The following ZNF469 variants were observed in gnomAD, a reference collection of about 807,000 sequenced individuals.
ZNF469 encodes zinc finger protein 469.
In ZNF469, 1 loss-of-function variant was observed where a neutral mutation model predicts 1.0. The observed-to-expected ratio is 1.00, with a 90% CI of 0.35 to 4.73. The LOEUF (loss-of-function observed/expected upper bound fraction) is 4.73, where lower values mean the gene tolerates loss of function less well. ZNF469 is among the 30% of genes most tolerant of loss of function. The pLI is 0.16. For synonymous variants in ZNF469, 2,703 were observed against 2,363.4 expected, an observed-to-expected ratio of 1.14 and a Z score of -4.17; for missense variants, 6,100 against 5,356.3, an observed-to-expected ratio of 1.14 and a Z score of -4.33.
At chr16:88,234,442 T>G in the ZNF469 span, among the ~76,000 whole-genome samples, 1 of 152,228 alleles carries the variant, frequency 6.6e-6, no homozygotes, top group Non-Finnish European at 1.5e-5. Context: ...GAATTAACGC[T>G]GAGGACGAAG....
rs373594893 is a variant in ZNF469, at chr16:88,399,474, G to C, written c.-192+16220G>C. Among the ~76,000 whole-genome samples, 313 of 152,242 alleles carry C rather than the reference G, an allele frequency of 2.1e-3. 1 individual carries two copies. The highest frequency in any genetic ancestry group is 7.2e-3 in the African/African-American group (298 of 41,548). On this transcript the variant is annotated intron_variant, in intron 1 of 2. Transcript: ENST00000565624. ...CCACAGGTTACACAAGCAGATGCCC[G>C]TGGGCCAGGCAGGAGGGGGCTGCGT...
chr16:88,273,831 G>A, the ZNF469 span, among the ~76,000 whole-genome samples: 2 of 138,806 alleles, frequency 1.4e-5, no homozygotes, highest in Admixed American at 1.6e-4. Flanking sequence ...TTGAGACGGA[G>A]TCTCGCTCTG....
chr16:88,391,985 G>A (rs139904498), intron 1 of ZNF469, among the ~76,000 whole-genome samples: 1 of 152,204 alleles, frequency 6.6e-6, no homozygotes, highest in Non-Finnish European at 1.5e-5. Flanking sequence ...ACATGATACG[G>A]TATCCTATTA....
chr16:88,123,346 T>G, the ZNF469 span, among the ~76,000 whole-genome samples: 1 of 152,200 alleles, frequency 6.6e-6, no homozygotes, highest in Non-Finnish European at 1.5e-5. Context: ...GTCATTCCTT[T>G]TATTGTTGAG....
the ZNF469 span, among the ~76,000 whole-genome samples, chr16:88,322,928 T>A: frequency 6.6e-6 from 1 of 152,126 alleles, no homozygotes; most frequent in Non-Finnish European, 1.5e-5. Flanking sequence ...GCGGAGAGGA[T>A]GACAGCTCTC....
the ZNF469 span, among the ~76,000 whole-genome samples, chr16:88,153,155 T>C: frequency 6.6e-6 from 1 of 152,168 alleles, no homozygotes; most frequent in African/African-American, 2.4e-5. Flanking sequence ...GGACAGGGTA[T>C]CCCATTTCCA....
chr16:88,289,532 G>A, the ZNF469 span, among the ~76,000 whole-genome samples: 8 of 152,176 alleles, frequency 5.3e-5, no homozygotes, highest in Non-Finnish European at 1.0e-4. Flanking sequence ...GTACTATGCT[G>A]AGTGCTTCAC....
the ZNF469 span, among the ~76,000 whole-genome samples, chr16:88,210,279 A>G: frequency 2.0e-5 from 3 of 151,862 alleles, no homozygotes; most frequent in East Asian, 5.8e-4. Flanking sequence ...TGCTTTCTGT[A>G]TTAGAACTAT....
chr16:88,171,193 C>T, the ZNF469 span, among the ~76,000 whole-genome samples: 2 of 152,206 alleles, frequency 1.3e-5, no homozygotes, highest in Non-Finnish European at 1.5e-5. Context: ...TGAGGATGCA[C>T]ATGTGAGTGA....
At chr16:88,385,663 C>A (rs1448715554) in intron 1 of ZNF469, among the ~76,000 whole-genome samples, 12 of 146,670 alleles carry the variant, frequency 8.2e-5, no homozygotes, top group Admixed American at 4.1e-4. Context: ...AAAAAAAATT[C>A]TGTTACCCTG....
At chr16:88,181,282 G>GGA in the ZNF469 span, among the ~76,000 whole-genome samples, 1 of 152,272 alleles carries the variant, frequency 6.6e-6, no homozygotes, top group Middle Eastern at 3.4e-3. Context: ...GTGTTGGCTA[G>GGA]GATGGTGTTG....
At chr16:88,128,958 T>C in the ZNF469 span, among the ~76,000 whole-genome samples, 1 of 152,258 alleles carries the variant, frequency 6.6e-6, no homozygotes, top group Non-Finnish European at 1.5e-5. Context: ...GAACCTTCGA[T>C]GACTGGAAAA....
chr16:88,249,327 A>C, the ZNF469 span, among the ~76,000 whole-genome samples: 11 of 151,552 alleles, frequency 7.3e-5, no homozygotes, highest in Non-Finnish European at 1.5e-4. Flanking sequence ...TCCTGGGCTC[A>C]AGCCATCCTC....
chr16:88,363,151 T>A, the ZNF469 span, among the ~76,000 whole-genome samples: 4 of 152,374 alleles, frequency 2.6e-5, no homozygotes, highest in South Asian at 8.3e-4. Context: ...GTAAAAGAAC[T>A]ACTTTTAAAA....
the ZNF469 span, among the ~76,000 whole-genome samples, chr16:88,258,690 G>A: frequency 6.6e-6 from 1 of 152,180 alleles, no homozygotes; most frequent in East Asian, 1.9e-4. Flanking sequence ...TGATGGTGGT[G>A]GTGGTCCTTG....
chr16:88,334,359 G>A, the ZNF469 span, among the ~76,000 whole-genome samples: 2 of 152,160 alleles, frequency 1.3e-5, no homozygotes, highest in Non-Finnish European at 2.9e-5. Context: ...AAGTGTTTTG[G>A]TTTTGATTTT....
the ZNF469 span, among the ~76,000 whole-genome samples, chr16:88,309,523 C>T: frequency 3.7e-5 from 5 of 136,088 alleles, no homozygotes; most frequent in South Asian, 2.4e-4. Context: ...TCTGAGGTCC[C>T]GTCTCGGTGT....
chr16:88,332,092 C>T, the ZNF469 span, among the ~76,000 whole-genome samples: 1 of 152,208 alleles, frequency 6.6e-6, no homozygotes, highest in East Asian at 1.9e-4. Flanking sequence ...GCCCTGAGGA[C>T]AGGCATGATG....
chr16:88,217,046 T>C, the ZNF469 span, among the ~76,000 whole-genome samples: 1 of 152,236 alleles, frequency 6.6e-6, no homozygotes, highest in Non-Finnish European at 1.5e-5. Flanking sequence ...GCTTGCAAAA[T>C]CTGTTATCTG....
Sources: gnomAD v4.1 joint callset for allele counts (sites outside exome capture counted in the v4.1 genomes callset) on GRCh38, gnomAD v4.1.1 for gene constraint, MANE v1.5 for transcripts, NCBI Gene and HGNC (gene_info 2026-07-23, HGNC 2026-07-21) for gene names.